The following THEM6 variants were observed in gnomAD, a reference collection of about 807,000 sequenced individuals.
The protein encoded by THEM6 is protein THEM6.
In THEM6, 10 loss-of-function variants were observed where a neutral mutation model predicts 13.7. The ratio of observed to expected loss-of-function variants is 0.73; its 90% CI spans 0.45 to 1.24. The LOEUF (loss-of-function observed/expected upper bound fraction) is 1.24, where lower values mean the gene tolerates loss of function less well. Ranked by LOEUF, THEM6 falls within the 50% of genes most tolerant of loss-of-function variation. THEM6 has a pLI of 0.00. For missense variants in THEM6, 317 were observed against 312.6 expected, an observed-to-expected ratio of 1.01 and a Z score of -0.11; for synonymous variants, 161 against 156.0, an observed-to-expected ratio of 1.03 and a Z score of -0.24.
At chr8:142,734,955 G>T (rs1208969128) in intron 1 of THEM6, 8 of 214,092 alleles carry the variant, frequency 3.7e-5, no homozygotes, top group South Asian at 2.6e-4. Flanking sequence ...AGAAAGAAGA[G>T]AACTCAGTGA....
chr8:142,727,341 G>A lies in THEM6; in HGVS notation c.-6G>A. ...TCCGCAGGACCCCGCGCCCGCCGCCGCCGCTATGCTGGGGCTGCTGGTGGC... is the reference window on the plus strand; with the variant it reads ...TCCGCAGGACCCCGCGCCCGCCGCCACCGCTATGCTGGGGCTGCTGGTGGC... On this transcript the variant is annotated 5_prime_UTR_variant, in exon 1 of 2. Transcript: ENST00000336138. 6.6e-7 allele frequency: 1 copy of A among 1,505,204 alleles called. No homozygotes were observed. Among genetic ancestry groups the A allele is most frequent in the Non-Finnish European group, 8.8e-7 (1 of 1,134,374 alleles). 93.2% of individuals were successfully genotyped at this position (1,505,204 alleles called of 1,614,324 possible). A position where few individuals can be genotyped will look rare whatever the true frequency, so the allele number is the denominator to read the frequency against.
intron 1 of THEM6, among the ~76,000 whole-genome samples, chr8:142,731,877 G>A (rs1360534331): frequency 3.9e-5 from 6 of 152,070 alleles, no homozygotes; most frequent in African/African-American, 1.2e-4. Flanking sequence ...GTCCGGCCCC[G>A]GCAGCCCAGA....
chr8:142,729,398 A>T (rs756671363), intron 1 of THEM6, among the ~76,000 whole-genome samples: 1 of 152,226 alleles, frequency 6.6e-6, no homozygotes. Context: ...TTATAACCTG[A>T]TGTGTAACAA....
intron 1 of THEM6, among the ~76,000 whole-genome samples, chr8:142,731,962 G>A (rs1422251904): frequency 4.0e-5 from 6 of 151,610 alleles, no homozygotes; most frequent in African/African-American, 1.2e-4. Context: ...TGGCGCCGCT[G>A]TGCTTGCTGT....
chr8:142,727,460 G>A lies in THEM6; in HGVS notation c.114G>A (p.Gln38=), dbSNP rs918932728. ...PCAVLRARLL[Q]PRVRDLLAEQ... is the part of the protein sequence containing the mutation. Reference sequence around the variant, plus strand: ...CCGTGCTGCGCGCGCGCCTGCTGCAGCCGCGCGTCCGTGACCTGCTAGCTG... The same window carrying A: ...CCGTGCTGCGCGCGCGCCTGCTGCAACCGCGCGTCCGTGACCTGCTAGCTG... The change falls in exon 1 of 2, where the codon CAG becomes CAA. Residue 38 remains glutamine (Q), a synonymous_variant. Transcript: ENST00000336138. 2 of 1,565,388 alleles carry A rather than the reference G, an allele frequency of 1.3e-6. No homozygotes were observed. Among genetic ancestry groups the A allele is most frequent in the Admixed American group, 1.8e-5 (1 of 56,476 alleles).
chr8:142,731,307 AT>A (rs1815642561), intron 1 of THEM6, among the ~76,000 whole-genome samples: 1 of 152,282 alleles, frequency 6.6e-6, no homozygotes, highest in East Asian at 1.9e-4. Flanking sequence ...AACAAAATAT[AT>A]TTTTTAACCT....
At chr8:142,730,015 C>T (rs587740834) in intron 1 of THEM6, among the ~76,000 whole-genome samples, 18 of 152,230 alleles carry the variant, frequency 1.2e-4, no homozygotes, top group Non-Finnish European at 2.1e-4. Flanking sequence ...TTTACATTTC[C>T]GCAAGGTATG....
chr8:142,729,778 A>G (rs1202285962), intron 1 of THEM6, among the ~76,000 whole-genome samples: 1 of 152,190 alleles, frequency 6.6e-6, no homozygotes, highest in Non-Finnish European at 1.5e-5. Flanking sequence ...TCAGTGAAAT[A>G]GATGAGGGGT....
chr8:142,732,375 C>T (rs1044815811), intron 1 of THEM6, among the ~76,000 whole-genome samples: 3 of 150,880 alleles, frequency 2.0e-5, no homozygotes, highest in East Asian at 2.0e-4. Context: ...CCTCTCTGGT[C>T]GCCCCCCCAA....
chr8:142,731,784 C>T (rs1457462223), intron 1 of THEM6, among the ~76,000 whole-genome samples: 1 of 152,210 alleles, frequency 6.6e-6, no homozygotes, highest in Non-Finnish European at 1.5e-5. Flanking sequence ...TCTCTATCCA[C>T]CCCCACCATT....
At chr8:142,729,324 A>C (rs1815595455) in intron 1 of THEM6, among the ~76,000 whole-genome samples, 1 of 152,236 alleles carries the variant, frequency 6.6e-6, no homozygotes, top group African/African-American at 2.4e-5. Context: ...TACTTCCTGC[A>C]GAAAGGGTAC....
intron 1 of THEM6, among the ~76,000 whole-genome samples, chr8:142,733,994 T>C (rs1445489628): frequency 6.6e-6 from 1 of 152,190 alleles, no homozygotes; most frequent in Non-Finnish European, 1.5e-5. Context: ...TAGGTTTTAT[T>C]ATGCAGATGA....
At chr8:142,731,873 C>T (rs1587582958) in intron 1 of THEM6, among the ~76,000 whole-genome samples, 1 of 152,142 alleles carries the variant, frequency 6.6e-6, no homozygotes, top group African/African-American at 2.4e-5. Flanking sequence ...TGCAGTCCGG[C>T]CCCGGCAGCC....
At position 142,727,449 on chromosome 8, in the gene THEM6, C is replaced by T; in HGVS notation, c.103C>T (p.Arg35Cys). ...VRLPCAVLRARLLQPRVRDLL... is the reference protein window; with the variant it reads ...VRLPCAVLRACLLQPRVRDLL... ...CCTTCCGTGCGCCGTGCTGCGCGCG[C>T]GCCTGCTGCAGCCGCGCGTCCGTGA... Residue 35 changes from arginine (R) to cysteine (C), a missense_variant, in exon 1 of 2, where the codon CGC becomes TGC. By Grantham distance (180) the Arg-to-Cys change is radical. Coordinates refer to ENST00000336138, the MANE Select transcript of THEM6 (RefSeq NM_016647.3). 6 of 1,559,356 alleles carry T rather than the reference C, an allele frequency of 3.8e-6. No individual in the cohort carries two copies. Among genetic ancestry groups the T allele is most frequent in the Non-Finnish European group, 4.3e-6 (5 of 1,160,162 alleles).
rs1815507639 is a variant in THEM6, at chr8:142,727,289, G to A, written c.-58G>A. 7.1e-7 allele frequency: 1 copy of A among 1,405,700 alleles called. No individual in the cohort carries two copies. The highest frequency in any genetic ancestry group is 9.2e-7 in the Non-Finnish European group (1 of 1,087,856). 87.1% of individuals were successfully genotyped at this position (1,405,700 alleles called of 1,614,324 possible). On this transcript the variant is annotated 5_prime_UTR_variant, in exon 1 of 2. Transcript: ENST00000336138. ...CCTGGCGGGCACCGTAACCAGCGCC[G>A]CGGACACCGGCACCGGCGCCACGGA...
At chr8:142,735,116 G>C (rs1007730494) in intron 1 of THEM6, 1 of 569,212 alleles carries the variant, frequency 1.8e-6, no homozygotes, top group Non-Finnish European at 3.2e-6. Flanking sequence ...ATGGCCCCTA[G>C]GGGAGACGGG....
At chr8:142,732,164 ATATAT>A (rs1563822556) in intron 1 of THEM6, among the ~76,000 whole-genome samples, 4 of 31,488 alleles carry the variant, frequency 1.3e-4, no homozygotes, top group African/African-American at 7.4e-4. Flanking sequence ...AGTTTTGAAT[ATATAT>A]ATATATATAT....
chr8:142,732,196 ATATATATATATT>A lies in THEM6; in HGVS notation c.514-3128_514-3117del, dbSNP rs1162027320. Among the ~76,000 whole-genome samples the A allele has an allele frequency of 1.0e-3, 100 of 95,868 alleles. 4 individuals are homozygous for A. Among genetic ancestry groups the A allele is most frequent in the East Asian group, 5.4e-3 (18 of 3,320 alleles). 62.9% of individuals were successfully genotyped at this position (95,868 alleles called of 152,430 possible). On this transcript the variant is annotated intron_variant, in intron 1 of 1. Coordinates refer to ENST00000336138, the MANE Select transcript of THEM6 (RefSeq NM_016647.3). ...TATATATATATATATATATATATAT[ATATATATATATT>A]TTAACTACTGGAGGTTTGTGTGAGG...
rs750543465 is a variant in THEM6, at chr8:142,735,411, G to A, written c.599G>A (p.Gly200Glu). 6.3e-7 allele frequency: 1 copy of A among 1,582,714 alleles called. No individual in the cohort carries two copies. The highest frequency in any genetic ancestry group is 1.3e-5 in the African/African-American group (1 of 74,150). The change falls in exon 2 of 2, where the codon GGG becomes GAG. Residue 200 changes from glycine to glutamate, a missense_variant. Physicochemically the swap from Gly to Glu is moderately conservative, Grantham distance 98. Transcript: ENST00000336138. Reference protein sequence around the residue: ...ASSQLLRMESGLSDVTKDQ With the variant: ...ASSQLLRMESELSDVTKDQ ...AGCCAGCTGCTCCGCATGGAGAGTG[G>A]GCTCAGTGATGTCACCAAGGACCAG...
Sources: gnomAD v4.1 joint callset for allele counts (sites outside exome capture counted in the v4.1 genomes callset) on GRCh38, gnomAD v4.1.1 for gene constraint, MANE v1.5 for transcripts, NCBI Gene and HGNC (gene_info 2026-07-23, HGNC 2026-07-21) for gene names.